SLC8A1: variants seen among roughly 807,000 people sequenced by gnomAD.
SLC8A1 encodes solute carrier family 8 member A1.
SLC8A1 carries 18 observed loss-of-function variants against 68.3 expected under a neutral mutation model. The observed-to-expected ratio is 0.26, with a 90% confidence interval of 0.18 to 0.39. The LOEUF (loss-of-function observed/expected upper bound fraction) is 0.39, where lower values mean the gene tolerates loss of function less well. Ranked by LOEUF, SLC8A1 falls within the 10% of genes least tolerant of loss-of-function variation. The probability of loss-of-function intolerance (pLI) is 1.00; values close to 1 mark genes in which losing one functional copy is unlikely to be tolerated. For missense variants in SLC8A1, 985 were observed against 1,156.7 expected, an observed-to-expected ratio of 0.85 and a Z score of 2.15; for synonymous variants, 475 against 415.5, an observed-to-expected ratio of 1.14 and a Z score of -1.74.
intron 2 of SLC8A1, among the ~76,000 whole-genome samples, chr2:40,200,261 T>TATAA (rs2054108982): frequency 7.7e-5 from 6 of 78,100 alleles, no homozygotes; most frequent in Admixed American, 1.8e-4. Flanking sequence ...TATATATATA[T>TATAA]ATATATAACC....
intron 2 of SLC8A1, among the ~76,000 whole-genome samples, chr2:40,353,567 A>G (rs1671771857): frequency 6.6e-6 from 1 of 152,150 alleles, no homozygotes; most frequent in African/African-American, 2.4e-5. Context: ...AAAAAAAATG[A>G]TCTGAGACTG....
intron 2 of SLC8A1, among the ~76,000 whole-genome samples, chr2:40,370,733 A>G (rs1434904432): frequency 6.6e-6 from 1 of 152,078 alleles, no homozygotes; most frequent in Non-Finnish European, 1.5e-5. Flanking sequence ...TGAAACTAAT[A>G]CCAACTCCAG....
intron 2 of SLC8A1, among the ~76,000 whole-genome samples, chr2:40,315,559 G>A (rs1226277313): frequency 6.6e-6 from 1 of 151,312 alleles, no homozygotes; most frequent in Non-Finnish European, 1.5e-5. Context: ...AAAAAGAACA[G>A]TGAATTTTAA....
At chr2:40,123,082 GGA>G (rs2037281231) in intron 7 of SLC8A1, 1 of 152,166 alleles carries the variant, frequency 6.6e-6, no homozygotes, top group African/African-American at 2.4e-5. Context: ...GTTCTCAAAA[GGA>G]AATGATAAGA....
chr2:40,348,135 G>A (rs1044049018), intron 2 of SLC8A1, among the ~76,000 whole-genome samples: 2 of 152,080 alleles, frequency 1.3e-5, no homozygotes, highest in African/African-American at 2.4e-5. Flanking sequence ...GCTGGAAGAC[G>A]GCGTGGTGAC....
chr2:40,214,823 T>C (rs764637695), intron 2 of SLC8A1, among the ~76,000 whole-genome samples: 2 of 152,116 alleles, frequency 1.3e-5, no homozygotes, highest in Admixed American at 6.6e-5. Context: ...GAATAACATA[T>C]GGTAGGCATT....
chr2:40,340,483 C>T (rs1395343152), intron 2 of SLC8A1, among the ~76,000 whole-genome samples: 2 of 152,136 alleles, frequency 1.3e-5, no homozygotes, highest in East Asian at 1.9e-4. Context: ...ATCACTTGAA[C>T]CTGGGAGGTG....
chr2:40,148,271 A>G (rs149090677), intron 6 of SLC8A1, among the ~76,000 whole-genome samples: 32 of 152,198 alleles, frequency 2.1e-4, no homozygotes, highest in Non-Finnish European at 4.1e-4. Context: ...CAAATCCTCT[A>G]TTCGTGATTT....
chr2:40,505,140 C>T (rs749438654), intron 1 of SLC8A1, among the ~76,000 whole-genome samples: 1 of 151,744 alleles, frequency 6.6e-6, no homozygotes, highest in Non-Finnish European at 1.5e-5. Flanking sequence ...TGTTTCTAAA[C>T]ATCAAAAGAA....
chr2:40,226,939 C>G (rs539157475), intron 2 of SLC8A1, among the ~76,000 whole-genome samples: 1 of 152,072 alleles, frequency 6.6e-6, no homozygotes, highest in African/African-American at 2.4e-5. Flanking sequence ...GTTAAAATAG[C>G]TCTCTTGAAA....
chr2:40,216,011 G>GTTTTTT lies in SLC8A1; in HGVS notation c.1809-38157_1809-38156insAAAAAA, dbSNP rs1558792895. 2.4e-3 allele frequency among the ~76,000 whole-genome samples: 112 copies of GTTTTTT among 47,134 alleles called. 1 individual carries two copies. The highest frequency in any genetic ancestry group is 7.2e-3 in the African/African-American group (105 of 14,522). 30.9% of individuals were successfully genotyped at this position (47,134 alleles called of 152,430 possible). A position where few individuals can be genotyped will look rare whatever the true frequency, so the allele number is the denominator to read the frequency against. ...TGACATATAAGCCTTCCCAGTGTAT[G>GTTTTTT]CTTTTTTTTTTTTACAATTTTTTAA... On this transcript the variant is annotated intron_variant, in intron 2 of 7. Transcript: ENST00000406785.
At chr2:40,302,250 C>A (rs144582687) in intron 2 of SLC8A1, among the ~76,000 whole-genome samples, 4,207 of 152,082 alleles carry the variant, frequency 0.028, 72 homozygotes, top group Non-Finnish European at 0.042. Flanking sequence ...CTCCAAGTCC[C>A]TAAAATCCAT....
chr2:40,284,190 T>C (rs538305451), intron 2 of SLC8A1, among the ~76,000 whole-genome samples: 1 of 151,842 alleles, frequency 6.6e-6, no homozygotes, highest in East Asian at 1.9e-4. Flanking sequence ...GATATAGCTA[T>C]CTATACCAAT....
At chr2:40,433,800 G>C (rs561904243) in intron 1 of SLC8A1, among the ~76,000 whole-genome samples, 6 of 152,268 alleles carry the variant, frequency 3.9e-5, no homozygotes, top group African/African-American at 1.4e-4. Flanking sequence ...TAATCTTTGA[G>C]AACTATTGGG....
intron 6 of SLC8A1, among the ~76,000 whole-genome samples, chr2:40,155,526 A>G (rs976649822): frequency 2.0e-5 from 3 of 152,186 alleles, no homozygotes; most frequent in Admixed American, 2.0e-4. Flanking sequence ...ATGATGTTCA[A>G]TAACAGACGA....
chr2:40,430,250 G>A, exon 2 of SLC8A1: 3 of 1,613,056 alleles, frequency 1.9e-6, no homozygotes, highest in South Asian at 1.1e-5. Context: ...GAAAAGGTGG[G>A]TGAAAGACTT....
rs537846061 is a variant in SLC8A1 at position 40,268,509 on chromosome 2, G to A, written c.1809-90654C>T. On this transcript the variant is annotated intron_variant, in intron 2 of 7. Coordinates refer to ENST00000406785, the Ensembl canonical transcript of SLC8A1. ...GGTGCATTTGCAGCTCAGGATATGG[G>A]GAATGCCTTGGTACCCCCCATTAAT... Among the ~76,000 whole-genome samples, 11 of 152,230 alleles carry A rather than the reference G, an allele frequency of 7.2e-5. No homozygotes were observed. In the East Asian group the frequency reaches 2.1e-3, roughly 29 times the overall value.
At chr2:40,420,812 G>A (rs1208594863) in intron 2 of SLC8A1, among the ~76,000 whole-genome samples, 1 of 152,096 alleles carries the variant, frequency 6.6e-6, no homozygotes, top group Non-Finnish European at 1.5e-5. Flanking sequence ...GTGTATGAAA[G>A]CCATTCAAAG....
At chr2:40,428,542 G>T (rs1225052738) in exon 2 of SLC8A1, 3 of 1,613,302 alleles carry the variant, frequency 1.9e-6, no homozygotes, top group Non-Finnish European at 2.5e-6. Flanking sequence ...ACCTCTGGCA[G>T]TCCCTTCGAT....
Sources: allele counts gnomAD v4.1 joint callset (sites outside exome capture counted in the v4.1 genomes callset), GRCh38; gene constraint gnomAD v4.1.1; transcripts MANE v1.5; gene names NCBI Gene and HGNC (gene_info 2026-07-23, HGNC 2026-07-21).